Variants in BLOC1S3 observed in about 807,000 individuals in gnomAD.
The protein encoded by BLOC1S3 is biogenesis of lysosomal organelles complex 1 subunit 3, also known as biogenesis of lysosome-related organelles complex 1 subunit 3.
Under a neutral mutation model 9.1 loss-of-function variants are expected in BLOC1S3, and 7 were observed. The observed-to-expected ratio is 0.77, with a 90% CI of 0.44 to 1.45. The LOEUF is 1.45. Among genes scored for constraint, BLOC1S3 ranks in the 40% most tolerant of loss-of-function variants. The pLI, the probability that BLOC1S3 is intolerant of heterozygous loss-of-function variation, is 0.01. For synonymous variants in BLOC1S3, 145 were observed against 158.4 expected (o/e 0.92, Z 0.64); for missense variants, 307 against 315.2 (o/e 0.97, Z 0.20).
Position 45,212,121 on chromosome 19 carries a change from C to T in BLOC1S3, n.283-4555C>T, listed in dbSNP as rs116376401. Among the ~76,000 whole-genome samples the T allele has an allele frequency of 2.8e-3, 430 of 152,342 alleles. 1 individual carries two copies. Among genetic ancestry groups the T allele is most frequent in the African/African-American group, 9.9e-3 (412 of 41,580 alleles). The stretch of plus-strand genomic sequence containing the variant: ...TGGAGCCACCAGGACCAGGAATGGA[C>T]AGGCACTTTGAGATTGACCAGACGA... On this transcript the variant is annotated intron_variant and non_coding_transcript_variant, in intron 3 of 3. Coordinates refer to the BLOC1S3 transcript ENST00000591569.
intron 2 of BLOC1S3, among the ~76,000 whole-genome samples, chr19:45,200,565 C>T (rs755850656): frequency 1.3e-5 from 2 of 152,178 alleles, no homozygotes; most frequent in Non-Finnish European, 2.9e-5. Flanking sequence ...TCTGTGTTAT[C>T]TTGAATTTCA....
intron 3 of BLOC1S3, among the ~76,000 whole-genome samples, chr19:45,204,186 CTTTTT>C (rs372532919): frequency 4.1e-5 from 5 of 121,610 alleles, no homozygotes; most frequent in Admixed American, 1.8e-4. Flanking sequence ...TTTGTTTTGC[CTTTTT>C]TTTTTTTTTT....
At chr19:45,192,589 T>TG (rs763898714) in intron 2 of BLOC1S3, among the ~76,000 whole-genome samples, 1 of 152,194 alleles carries the variant, frequency 6.6e-6, no homozygotes, top group Non-Finnish European at 1.5e-5. Context: ...GAGTACTGCC[T>TG]GGGTACTGCT....
At position 45,179,395 on chromosome 19, in the gene BLOC1S3, G is replaced by T; in HGVS notation, c.99G>T (p.Ser33=). 2 of 1,576,004 alleles carry T rather than the reference G, an allele frequency of 1.3e-6. No homozygotes were observed. The highest frequency in any genetic ancestry group is 1.1e-5 in the South Asian group (1 of 87,928). The change falls in exon 2 of 2, where the codon TCG becomes TCT. Residue 33 remains serine, a synonymous_variant. Transcript: ENST00000433642. The surrounding 1 kb of genome is among the most constrained non-coding windows in gnomAD (Gnocchi z 4.6). The stretch of plus-strand genomic sequence containing the variant: ...CGGATTCCGAGCGCTCTGCGTCCTC[G>T]TCGGAGGAGGAGGAGCTGTACCTGG... ...TETDSERSAS[S]SEEEELYLGP... is the part of the protein sequence containing the mutation.
At chr19:45,191,695 C>T (rs1969608538) in intron 2 of BLOC1S3, among the ~76,000 whole-genome samples, 1 of 152,230 alleles carries the variant, frequency 6.6e-6, no homozygotes, top group Non-Finnish European at 1.5e-5. Context: ...AGAGACACTG[C>T]CTTGGTGGTC....
chr19:45,197,053 G>A (rs1193242910), intron 2 of BLOC1S3, among the ~76,000 whole-genome samples: 1 of 151,924 alleles, frequency 6.6e-6, no homozygotes, highest in South Asian at 2.1e-4. Flanking sequence ...ACCCAAGTGG[G>A]ACCTCAGCAG....
At chr19:45,205,992 T>C (rs1969722848) in intron 3 of BLOC1S3, among the ~76,000 whole-genome samples, 1 of 152,130 alleles carries the variant, frequency 6.6e-6, no homozygotes, top group Admixed American at 6.6e-5. Context: ...GCAGAGTGAT[T>C]GCTTGAGGCC....
At position 45,179,327 on chromosome 19, in the gene BLOC1S3, C is replaced by T. The variant is rs1420801659; in HGVS notation, c.31C>T (p.Leu11=). 2 of 1,586,218 alleles carry T rather than the reference C, an allele frequency of 1.3e-6. No homozygotes were observed. Among genetic ancestry groups the T allele is most frequent in the African/African-American group, 1.4e-5 (1 of 73,410 alleles). The change falls in exon 2 of 2, where the codon CTG becomes TTG. Residue 11 remains leucine (L), a synonymous_variant. Transcript: ENST00000433642. The surrounding 1 kb of genome is among the most constrained non-coding windows in gnomAD (Gnocchi z 4.6). ...GTCCCAGGGTCGTCGGCGGAGGCCC[C>T]TGCGGAGGCCGGAGACGGTGGTGCC... MASQGRRRRP[L]RRPETVVPGE...
intron 3 of BLOC1S3, among the ~76,000 whole-genome samples, chr19:45,210,801 T>C (rs958998916): frequency 2.6e-5 from 4 of 152,154 alleles, no homozygotes; most frequent in African/African-American, 4.8e-5. Context: ...GAAAAGTACA[T>C]TGACAAACTG....
intron 3 of BLOC1S3, chr19:45,213,058 T>G (rs1190929623): frequency 6.8e-7 from 1 of 1,470,866 alleles, no homozygotes; most frequent in Non-Finnish European, 9.0e-7. Flanking sequence ...AGGCCGGCGG[T>G]TGGGTGACCC....
rs561644332 is a variant in BLOC1S3, at chr19:45,201,018, A to G, written n.181-1388A>G. ...GGAGTTTGAGACCAGCCTGGCCAACATGGTGAAACCCTGTCTCTACCAAAA... is the reference window on the plus strand; with the variant it reads ...GGAGTTTGAGACCAGCCTGGCCAACGTGGTGAAACCCTGTCTCTACCAAAA... On this transcript the variant is annotated intron_variant and non_coding_transcript_variant, in intron 2 of 3. Coordinates refer to the BLOC1S3 transcript ENST00000591569. Among the ~76,000 whole-genome samples the G allele has an allele frequency of 7.2e-5, 11 of 152,206 alleles. No homozygotes were observed. In the East Asian group the frequency reaches 1.9e-3, roughly 27 times the overall value.
chr19:45,215,660 T>A (rs1236980532), intron 3 of BLOC1S3, among the ~76,000 whole-genome samples: 1 of 152,092 alleles, frequency 6.6e-6, no homozygotes, highest in African/African-American at 2.4e-5. Flanking sequence ...AAACTGAGGC[T>A]CCGAGAAGGT....
At chr19:45,200,188 T>TC (rs1190434323) in intron 2 of BLOC1S3, among the ~76,000 whole-genome samples, 1 of 150,800 alleles carries the variant, frequency 6.6e-6, no homozygotes, top group East Asian at 1.9e-4. Context: ...CTTAATTTTT[T>TC]TTTTTTTTTT....
intron 3 of BLOC1S3, among the ~76,000 whole-genome samples, chr19:45,202,884 G>A (rs1969701581): frequency 6.6e-6 from 1 of 152,012 alleles, no homozygotes; most frequent in Non-Finnish European, 1.5e-5. Flanking sequence ...CCAGGACTGG[G>A]TCCTTCCTTT....
Position 45,209,514 on chromosome 19 carries a change from C to T in BLOC1S3, n.282+7007C>T, listed in dbSNP as rs536449095. On this transcript the variant is annotated intron_variant and non_coding_transcript_variant, in intron 3 of 3. Coordinates refer to the BLOC1S3 transcript ENST00000591569. Reference sequence around the variant, plus strand: ...TCGGCTCACTGCAAGCTCCGCCTCCCGGTTTCACTCCATTCTCCTGCCTCA... The same window carrying T: ...TCGGCTCACTGCAAGCTCCGCCTCCTGGTTTCACTCCATTCTCCTGCCTCA... Among the ~76,000 whole-genome samples, 270 of 152,192 alleles carry T rather than the reference C, an allele frequency of 1.8e-3. 1 individual carries two copies. Among genetic ancestry groups the T allele is most frequent in the African/African-American group, 6.2e-3 (256 of 41,518 alleles).
Position 45,179,452 on chromosome 19 carries a change from G to A in BLOC1S3, c.156G>A (p.Thr52=), listed in dbSNP as rs777286074. 2 of 1,526,098 alleles carry A rather than the reference G, an allele frequency of 1.3e-6. No individual in the cohort carries two copies. The highest frequency in any genetic ancestry group is 1.8e-6 in the Non-Finnish European group (2 of 1,142,622). 94.5% of individuals were successfully genotyped at this position (1,526,098 alleles called of 1,614,324 possible). A position where few individuals can be genotyped will look rare whatever the true frequency, so the allele number is the denominator to read the frequency against. ...GPSGPTRGRP[T]GLRVAGEAAE... Reference sequence around the variant, plus strand: ...CGGGCCCGACGCGCGGCCGCCCCACGGGGCTGCGGGTGGCTGGGGAAGCCG... The same window carrying A: ...CGGGCCCGACGCGCGGCCGCCCCACAGGGCTGCGGGTGGCTGGGGAAGCCG... Residue 52 remains threonine, a synonymous_variant, in exon 2 of 2, where the codon ACG becomes ACA. Coordinates refer to ENST00000433642, the MANE Select transcript of BLOC1S3 (RefSeq NM_212550.5). This position sits in a 1 kb window ranked among gnomAD's most constrained non-coding sequence, Gnocchi z 4.6.
At chr19:45,195,737 G>T (rs1599753025) in intron 2 of BLOC1S3, among the ~76,000 whole-genome samples, 1 of 152,216 alleles carries the variant, frequency 6.6e-6, no homozygotes, top group Non-Finnish European at 1.5e-5. Flanking sequence ...TGGGACTATA[G>T]GTGTGCACCA....
At chr19:45,216,063 G>A in intron 3 of BLOC1S3, 1 of 1,613,402 alleles carries the variant, frequency 6.2e-7, no homozygotes, top group Non-Finnish European at 8.5e-7. Flanking sequence ...GCCCAGGCGG[G>A]GTGTCTCACC....
chr19:45,184,903 CAAAAAAAAAAAAAAAAA>C (rs71338752), downstream of BLOC1S3, among the ~76,000 whole-genome samples: 3 of 48,278 alleles, frequency 6.2e-5, no homozygotes, highest in East Asian at 7.2e-4. Flanking sequence ...CTGTCTCAAA[CAAAAAAAAAAAAAAAAA>C]AAAAAAAAAA....
Sources: gnomAD v4.1 joint callset for allele counts (sites outside exome capture counted in the v4.1 genomes callset) on GRCh38, gnomAD v4.1.1 for gene constraint, Gnocchi (gnomAD v3.1) non-coding constraint, MANE v1.5 for transcripts, NCBI Gene and HGNC (gene_info 2026-07-23, HGNC 2026-07-21) for gene names.